Variants in NAALADL2 observed in about 807,000 individuals in gnomAD.
The protein encoded by NAALADL2 is inactive N-acetylated-alpha-linked acidic dipeptidase-like protein 2.
NAALADL2 carries 76 observed loss-of-function variants against 87.2 expected under a neutral mutation model. That is an observed-to-expected ratio of 0.87 (90% CI 0.72 to 1.05). NAALADL2 has a LOEUF of 1.05. Among genes scored for constraint, NAALADL2 ranks in the 50% least tolerant of loss-of-function variants. NAALADL2 has a pLI of 0.00. For synonymous variants in NAALADL2, 354 were observed against 331.0 expected, an observed-to-expected ratio of 1.07 and a Z score of -0.75; for missense variants, 1,089 against 945.8, an observed-to-expected ratio of 1.15 and a Z score of -1.99.
In NAALADL2 at chr3:174,781,837, G is replaced by T. The variant is rs183128009; in HGVS notation, c.-9+44091G>T. On this transcript the variant is annotated intron_variant, in intron 3 of 3. Transcript: ENST00000434257. The stretch of plus-strand genomic sequence containing the variant: ...AATAGGCAGACCTTGTGCAAGGGAG[G>T]ATGGTTTGTGCCAGGCTGTAGCAGA... 8.8e-4 allele frequency among the ~76,000 whole-genome samples: 134 copies of T among 152,160 alleles called. 1 individual carries two copies. The highest frequency in any genetic ancestry group is 2.6e-3 in the Admixed American group (39 of 15,266).
intron 1 of NAALADL2, among the ~76,000 whole-genome samples, chr3:174,444,279 C>T (rs1714882120): frequency 6.6e-6 from 1 of 152,066 alleles, no homozygotes; most frequent in African/African-American, 2.4e-5. Context: ...TGTGGGGGCA[C>T]AGATGGAGGT....
At chr3:174,893,317 CCCG>C (rs1560332893) in intron 1 of NAALADL2, among the ~76,000 whole-genome samples, 174 of 143,192 alleles carry the variant, frequency 1.2e-3, no homozygotes, top group African/African-American at 3.8e-3. Flanking sequence ...TCAACCCCCC[CCCG>C]CAAAAAGTTA....
intron 2 of NAALADL2, among the ~76,000 whole-genome samples, chr3:174,654,943 G>A (rs1724756585): frequency 6.6e-6 from 1 of 152,062 alleles, no homozygotes; most frequent in Non-Finnish European, 1.5e-5. Flanking sequence ...CACCGTGTTA[G>A]CCAGGATGGT....
At chr3:175,579,122 A>G (rs1247291389) in intron 10 of NAALADL2, among the ~76,000 whole-genome samples, 5 of 152,194 alleles carry the variant, frequency 3.3e-5, no homozygotes, top group Non-Finnish European at 5.9e-5. Context: ...TAATTTTATT[A>G]TTATATCCAT....
chr3:175,074,687 A>G (rs1047727365), intron 1 of NAALADL2, among the ~76,000 whole-genome samples: 1 of 152,006 alleles, frequency 6.6e-6, no homozygotes, highest in South Asian at 2.1e-4. Flanking sequence ...AAAATTACAT[A>G]CTGAAATAAC....
chr3:174,869,093 A>G (rs1304326954), intron 1 of NAALADL2, among the ~76,000 whole-genome samples: 2 of 152,146 alleles, frequency 1.3e-5, no homozygotes, highest in Non-Finnish European at 2.9e-5. Flanking sequence ...ATGAGTGAGA[A>G]ATATTAAAGG....
intron 5 of NAALADL2, among the ~76,000 whole-genome samples, chr3:175,337,909 T>C (rs1173556847): frequency 6.6e-6 from 1 of 152,198 alleles, no homozygotes; most frequent in Admixed American, 6.5e-5. Context: ...TGCTTTGATA[T>C]TCATTTGGAC....
intron 5 of NAALADL2, among the ~76,000 whole-genome samples, chr3:175,372,826 T>C (rs1195420994): frequency 6.6e-6 from 1 of 152,200 alleles, no homozygotes. Context: ...CAACTAAGTT[T>C]TCCCTTTCTC....
chr3:175,106,376 T>G (rs1027939095), intron 2 of NAALADL2, among the ~76,000 whole-genome samples: 1 of 152,060 alleles, frequency 6.6e-6, no homozygotes, highest in Non-Finnish European at 1.5e-5. Flanking sequence ...GGATCATCTG[T>G]GATACTGGCT....
chr3:175,253,338 T>A (rs977651048), intron 3 of NAALADL2, among the ~76,000 whole-genome samples: 1 of 152,162 alleles, frequency 6.6e-6, no homozygotes, highest in African/African-American at 2.4e-5. Context: ...CAACAAAGAC[T>A]GGATAACAGC....
chr3:175,727,068 T>C (rs1018833762), intron 11 of NAALADL2, among the ~76,000 whole-genome samples: 5 of 152,156 alleles, frequency 3.3e-5, no homozygotes, highest in African/African-American at 1.2e-4. Flanking sequence ...TGTTTATGTC[T>C]TCTTTCTTTG....
chr3:174,932,692 T>G (rs1737096275), intron 1 of NAALADL2, among the ~76,000 whole-genome samples: 1 of 152,216 alleles, frequency 6.6e-6, no homozygotes, highest in Admixed American at 6.5e-5. Flanking sequence ...GAGTTCTTCA[T>G]TTATGGTGAA....
intron 9 of NAALADL2, among the ~76,000 whole-genome samples, chr3:175,511,600 C>T (rs1459701345): frequency 6.6e-6 from 1 of 152,160 alleles, no homozygotes; most frequent in Non-Finnish European, 1.5e-5. Flanking sequence ...TTAAGCCACC[C>T]ACTGTGTGGT....
chr3:175,505,089 A>T (rs1054495616), intron 9 of NAALADL2, among the ~76,000 whole-genome samples: 3 of 152,136 alleles, frequency 2.0e-5, no homozygotes, highest in African/African-American at 7.2e-5. Flanking sequence ...GCCAGTCACC[A>T]TGTAAAAATC....
intron 9 of NAALADL2, among the ~76,000 whole-genome samples, chr3:175,479,529 T>C (rs1241716819): frequency 6.6e-6 from 1 of 151,828 alleles, no homozygotes; most frequent in Non-Finnish European, 1.5e-5. Context: ...ATTTAAAATA[T>C]GAAATTCTAC....
intron 10 of NAALADL2, among the ~76,000 whole-genome samples, chr3:175,600,577 GC>G (rs1310169640): frequency 9.1e-6 from 1 of 109,838 alleles, no homozygotes; most frequent in East Asian, 3.1e-4. Flanking sequence ...TCGCTCTGTC[GC>G]CCAGGCTGGA....
At chr3:174,567,350 G>A (rs139001073) in intron 2 of NAALADL2, among the ~76,000 whole-genome samples, 1 of 151,288 alleles carries the variant, frequency 6.6e-6, no homozygotes, top group Non-Finnish European at 1.5e-5. Flanking sequence ...TTAATACGCA[G>A]CAGTTTAAAA....
At chr3:174,613,172 G>T (rs529584393) in intron 2 of NAALADL2, among the ~76,000 whole-genome samples, 68 of 152,286 alleles carry the variant, frequency 4.5e-4, no homozygotes, top group African/African-American at 1.5e-3. Context: ...GAGCTGCCTG[G>T]AGCTGGGAGT....
chr3:175,628,617 G>GTATATATA lies in NAALADL2; in HGVS notation c.1896+1243_1896+1250dup, dbSNP rs34276529. On this transcript the variant is annotated intron_variant, in intron 11 of 13. Coordinates refer to ENST00000454872, the MANE Select transcript of NAALADL2 (RefSeq NM_207015.3). Reference sequence around the variant, plus strand: ...CCATTAAAATAATCTCTCTCTCTATGTATATATATATATATATATGAATTA... The same window carrying GTATATATA: ...CCATTAAAATAATCTCTCTCTCTATGTATATATATATATATATATATATATATGAATTA... Among the ~76,000 whole-genome samples the GTATATATA allele has an allele frequency of 2.2e-3, 309 of 139,198 alleles. 2 individuals carry two copies. Among genetic ancestry groups the GTATATATA allele is most frequent in the African/African-American group, 7.5e-3 (286 of 38,380 alleles). The allele number at this position is 139,198 out of a possible 152,430, so 91.3% of individuals were successfully genotyped here.
Sources: allele counts gnomAD v4.1 joint callset (sites outside exome capture counted in the v4.1 genomes callset), GRCh38; gene constraint gnomAD v4.1.1; transcripts MANE v1.5; gene names NCBI Gene and HGNC (gene_info 2026-07-23, HGNC 2026-07-21).